Variants in VPS13B observed in about 807,000 individuals in gnomAD.
VPS13B encodes intermembrane lipid transfer protein VPS13B.
Under a neutral mutation model 426.4 loss-of-function variants are expected in VPS13B, and 285 were observed. The observed-to-expected ratio is 0.67, with a 90% confidence interval of 0.61 to 0.74. The LOEUF (loss-of-function observed/expected upper bound fraction) is 0.74. Ranked by LOEUF, VPS13B falls within the 30% of genes least tolerant of loss-of-function variation. The pLI is 0.00. For missense variants in VPS13B, 4,537 were observed against 4,782.6 expected (o/e 0.95, Z 1.51); for synonymous variants, 1,676 against 1,676.4 (o/e 1.00, Z 0.01).
At chr8:99,435,690 G>C (rs1035972495) in intron 22 of VPS13B, among the ~76,000 whole-genome samples, 2 of 152,110 alleles carry the variant, frequency 1.3e-5, no homozygotes, top group African/African-American at 4.8e-5. Flanking sequence ...AGAGACTTAA[G>C]ATAAAATCAG....
At chr8:99,685,685 T>G (rs1453837672) in intron 35 of VPS13B, among the ~76,000 whole-genome samples, 3 of 152,242 alleles carry the variant, frequency 2.0e-5, no homozygotes, top group Non-Finnish European at 4.4e-5. Context: ...CCAGAATTTT[T>G]GCTTATTTTA....
At chr8:99,215,255 T>C (rs1167048709) in intron 17 of VPS13B, among the ~76,000 whole-genome samples, 1 of 152,214 alleles carries the variant, frequency 6.6e-6, no homozygotes, top group African/African-American at 2.4e-5. Flanking sequence ...CACCATGTGT[T>C]GTATAGGGTG....
chr8:99,613,923 T>C (rs923693815), intron 33 of VPS13B: 1 of 152,430 alleles, frequency 6.6e-6, no homozygotes. Context: ...GGCAACCTGT[T>C]GGTCTCCTGA....
rs571408883 is a variant in VPS13B, at chr8:99,687,136, G to A, written c.6047-12389G>A. Among the ~76,000 whole-genome samples the A allele has an allele frequency of 2.0e-5, 3 of 152,152 alleles. No individual in the cohort carries two copies. The South Asian group carries it at 6.2e-4, about 32-fold the overall frequency. ...AGGCACGGTTCCCTTCTGGCCCAAG[G>A]TGTGTCTACAAATGTCATTTGGGAG... On this transcript the variant is annotated intron_variant, in intron 35 of 61. Coordinates refer to ENST00000357162, the MANE Select transcript of VPS13B (RefSeq NM_152564.5).
At chr8:99,667,113 T>G (rs2084556) in intron 35 of VPS13B, among the ~76,000 whole-genome samples, 1 of 152,208 alleles carries the variant, frequency 6.6e-6, no homozygotes, top group East Asian at 1.9e-4. Flanking sequence ...AAACTTGATT[T>G]TGCATTTGAA....
At chr8:99,596,984 G>A (rs954574430) in intron 33 of VPS13B, among the ~76,000 whole-genome samples, 3 of 151,916 alleles carry the variant, frequency 2.0e-5, no homozygotes, top group African/African-American at 4.8e-5. Context: ...TCAATACTTC[G>A]AACATATCCT....
intron 3 of VPS13B, among the ~76,000 whole-genome samples, chr8:99,039,307 G>A (rs1254234667): frequency 6.6e-6 from 1 of 152,018 alleles, no homozygotes; most frequent in African/African-American, 2.4e-5. Context: ...AATTGTTTTT[G>A]AAGTTTTGGT....
intron 19 of VPS13B, among the ~76,000 whole-genome samples, chr8:99,320,258 A>G (rs903946345): frequency 1.3e-5 from 2 of 152,134 alleles, no homozygotes; most frequent in Non-Finnish European, 2.9e-5. Context: ...CAGCATCCTG[A>G]TATTTTTTCT....
chr8:99,626,245 G>A (rs1828607825), intron 33 of VPS13B, among the ~76,000 whole-genome samples: 1 of 152,170 alleles, frequency 6.6e-6, no homozygotes, highest in Non-Finnish European at 1.5e-5. Context: ...CCATGCAGTA[G>A]AATATTACTT....
At chr8:99,665,161 G>A (rs1830431825) in intron 35 of VPS13B, among the ~76,000 whole-genome samples, 1 of 152,022 alleles carries the variant, frequency 6.6e-6, no homozygotes, top group South Asian at 2.1e-4. Context: ...TGTTTGATGG[G>A]GTTGTTTGTT....
intron 17 of VPS13B, among the ~76,000 whole-genome samples, chr8:99,260,101 T>C (rs1461540147): frequency 6.6e-6 from 1 of 152,076 alleles, no homozygotes; most frequent in African/African-American, 2.4e-5. Flanking sequence ...TTAAATGGAT[T>C]AAACAGCAGA....
At chr8:99,534,818 A>C (rs1283516877) in intron 30 of VPS13B, among the ~76,000 whole-genome samples, 1 of 152,196 alleles carries the variant, frequency 6.6e-6, no homozygotes, top group Non-Finnish European at 1.5e-5. Flanking sequence ...CAAAGATCAA[A>C]TATTGTAACA....
chr8:99,014,110 CTTTTTT>C (rs1211028912), intron 2 of VPS13B, among the ~76,000 whole-genome samples, 175 bp downstream of exon 2: 1,699 of 72,168 alleles, frequency 0.024, 18 homozygotes, highest in African/African-American at 0.083. Flanking sequence ...TTCTTTCTTT[CTTTTTT>C]TTTTTTTTTT....
chr8:99,745,081 G>A (rs1810014179), intron 39 of VPS13B, among the ~76,000 whole-genome samples: 1 of 151,768 alleles, frequency 6.6e-6, no homozygotes, highest in African/African-American at 2.4e-5. Flanking sequence ...CTTTTAGGCT[G>A]CCTCTTTTTA....
At chr8:99,013,984 G>A (rs1173314265) in intron 2 of VPS13B, 49 bp downstream of exon 2, 1 of 1,612,692 alleles carries the variant, frequency 6.2e-7, no homozygotes, top group Admixed American at 1.7e-5. Context: ...AGCTTGTTTA[G>A]ACGGTAATCT....
At chr8:99,573,113 G>T (rs1825573497) in intron 31 of VPS13B, among the ~76,000 whole-genome samples, 1 of 152,188 alleles carries the variant, frequency 6.6e-6, no homozygotes, top group African/African-American at 2.4e-5. Flanking sequence ...TTTGAGAAGT[G>T]TCTGTTCATA....
At chr8:99,868,236 A>C (rs900180284) in intron 58 of VPS13B, 53 bp from the exon 59 acceptor site, 1 of 1,611,758 alleles carries the variant, frequency 6.2e-7, no homozygotes, top group South Asian at 1.1e-5. Context: ...GGAGCCTTTC[A>C]TTTTCCGAGG....
At chr8:99,668,556 G>A (rs1468100096) in intron 35 of VPS13B, among the ~76,000 whole-genome samples, 2 of 152,066 alleles carry the variant, frequency 1.3e-5, no homozygotes, top group Non-Finnish European at 2.9e-5. Flanking sequence ...GAAAAATAAT[G>A]TAGAGTTCTT....
rs549797867 is a variant in VPS13B at position 99,876,595 on chromosome 8, A to G, written c.*929A>G. ...TTAATGCTAACAATTATACCAGTCC[A>G]TTTTGTTTATTCTGTGGAATTGACT... On this transcript the variant is annotated 3_prime_UTR_variant, in exon 62 of 62. Transcript: ENST00000357162. 6.6e-6 allele frequency: 1 copy of G among 152,260 alleles called. No homozygotes were observed. The highest frequency in any genetic ancestry group is 2.4e-5 in the African/African-American group (1 of 41,562). The allele number at this position is 152,260 out of a possible 1,614,324, so 9.4% of individuals were successfully genotyped here. A position where few individuals can be genotyped will look rare whatever the true frequency, so the allele number is the denominator to read the frequency against.
Sources: gnomAD v4.1 joint callset for allele counts (sites outside exome capture counted in the v4.1 genomes callset) on GRCh38, gnomAD v4.1.1 for gene constraint, MANE v1.5 for transcripts, NCBI Gene and HGNC (gene_info 2026-07-23, HGNC 2026-07-21) for gene names.